CNTN6: variants seen among roughly 807,000 people sequenced by gnomAD.
CNTN6 encodes contactin-6.
In CNTN6, 137 loss-of-function variants were observed where a neutral mutation model predicts 122.8. That is an observed-to-expected ratio of 1.12 (90% confidence interval 0.97 to 1.29). The LOEUF (loss-of-function observed/expected upper bound fraction) is 1.29. Among genes scored for constraint, CNTN6 ranks in the 50% most tolerant of loss-of-function variants. The pLI, the probability that CNTN6 is intolerant of heterozygous loss-of-function variation, is 0.00. For missense variants in CNTN6, 1,634 were observed against 1,223.4 expected (o/e 1.34, Z -5.01); for synonymous variants, 570 against 426.0 (o/e 1.34, Z -4.16).
At chr3:1,300,579 AAG>A (rs1491568540) in intron 7 of CNTN6, among the ~76,000 whole-genome samples, 3 of 41,988 alleles carry the variant, frequency 7.1e-5, no homozygotes, top group African/African-American at 1.6e-4. Context: ...GAAAGAAAGA[AAG>A]AAAGAAAGAA....
At chr3:1,319,874 A>AAAATAAAATAAAATAAAAT (rs1290099156) in intron 7 of CNTN6, among the ~76,000 whole-genome samples, 2 of 150,672 alleles carry the variant, frequency 1.3e-5, no homozygotes, top group Non-Finnish European at 3.0e-5. Context: ...AAAATAAAAT[A>AAAATAAAATAAAATAAAAT]AAAGACATTT....
At chr3:1,278,287 A>C (rs894438638) in intron 4 of CNTN6, 126 bp from the exon 5 acceptor site, 45 of 609,334 alleles carry the variant, frequency 7.4e-5, no homozygotes, top group Non-Finnish European at 1.2e-4. Context: ...TTGTCAACTA[A>C]GTCTTCTGGT....
intron 4 of CNTN6, among the ~76,000 whole-genome samples, chr3:1,258,221 T>C (rs529547925): frequency 2.0e-5 from 3 of 152,274 alleles, no homozygotes; most frequent in African/African-American, 4.8e-5. Flanking sequence ...TTCTTTTATT[T>C]GTAGTGTGGG....
chr3:1,328,507 T>G (rs1701843434), intron 10 of CNTN6, among the ~76,000 whole-genome samples: 1 of 151,840 alleles, frequency 6.6e-6, no homozygotes, highest in Non-Finnish European at 1.5e-5. Context: ...TATTATGTAC[T>G]GAGCTGTATC....
At position 1,403,374 on chromosome 3, in the gene CNTN6, G is replaced by A. The variant is rs772099566; in HGVS notation, c.3043G>A (p.Val1015Ile). ...ACCTAGCACCCATTTTCTTTCCATT[G>A]TCATTGTGATTTTTCACTGTTTTGC... ...LEPSTHFLSI[V>I]IVIFHCFAIQ... Residue 1015 changes from valine to isoleucine, a missense_variant, in exon 23 of 23, where the codon GTC (valine) becomes ATC (isoleucine). Coordinates refer to ENST00000446702, the MANE Select transcript of CNTN6 (RefSeq NM_001289080.2). 2.5e-6 allele frequency: 4 copies of A among 1,611,288 alleles called. No homozygotes were observed. Among genetic ancestry groups the A allele is most frequent in the Non-Finnish European group, 2.5e-6 (3 of 1,178,610 alleles).
chr3:1,278,604 A>T, intron 5 of CNTN6, 96 bp downstream of exon 5: 1 of 721,162 alleles, frequency 1.4e-6, no homozygotes, highest in Non-Finnish European at 2.3e-6. Flanking sequence ...CCTTTTATCA[A>T]ATCAAAGAAA....
chr3:1,388,720 G>A (rs986625094), intron 20 of CNTN6, among the ~76,000 whole-genome samples: 7 of 148,534 alleles, frequency 4.7e-5, no homozygotes, highest in African/African-American at 1.7e-4. Flanking sequence ...GTGCTTAAAG[G>A]AGCTGATGGA....
At chr3:1,387,877 GAGATTATATCCT>G (rs1560004591) in intron 20 of CNTN6, among the ~76,000 whole-genome samples, 4 of 152,204 alleles carry the variant, frequency 2.6e-5, no homozygotes, top group Non-Finnish European at 4.4e-5. Context: ...GGCGCACCAC[GAGATTATATCCT>G]GCACCCGGCT....
chr3:1,097,633 T>C (rs1391718894), intron 1 of CNTN6, among the ~76,000 whole-genome samples: 1 of 152,138 alleles, frequency 6.6e-6, no homozygotes, highest in African/African-American at 2.4e-5. Context: ...CTTAGGCAAG[T>C]TTCTTAGCCT....
chr3:1,097,907 G>A (rs1310221185), intron 1 of CNTN6, among the ~76,000 whole-genome samples: 1 of 152,062 alleles, frequency 6.6e-6, no homozygotes, highest in Non-Finnish European at 1.5e-5. Context: ...CTAATCAATT[G>A]TATTGGGTAT....
chr3:1,318,136 AAAAG>A (rs918979591), intron 7 of CNTN6, among the ~76,000 whole-genome samples: 48 of 150,930 alleles, frequency 3.2e-4, no homozygotes, highest in African/African-American at 9.5e-4. Flanking sequence ...GAAAGAAAGA[AAAAG>A]AAAGAAAATT....
chr3:1,147,769 T>C (rs888498393), intron 1 of CNTN6, among the ~76,000 whole-genome samples, 158 bp from the exon 2 acceptor site: 1 of 152,052 alleles, frequency 6.6e-6, no homozygotes, highest in African/African-American at 2.4e-5. Context: ...TTACTGGAAC[T>C]CGCAGAACAA....
At chr3:1,338,779 T>C (rs569941030) in intron 11 of CNTN6, among the ~76,000 whole-genome samples, 1 of 152,300 alleles carries the variant, frequency 6.6e-6, no homozygotes, top group South Asian at 2.1e-4. Flanking sequence ...AAATGACCTT[T>C]TGTTCTTGGT....
chr3:1,123,091 G>C (rs1036571099), intron 1 of CNTN6, among the ~76,000 whole-genome samples: 13 of 151,776 alleles, frequency 8.6e-5, no homozygotes, highest in Non-Finnish European at 1.6e-4. Context: ...AGTCCTTCAA[G>C]TTTGTTCTTT....
intron 2 of CNTN6, among the ~76,000 whole-genome samples, chr3:1,171,007 G>C (rs77673442): frequency 0.048 from 7,283 of 152,266 alleles, 212 homozygotes; most frequent in Middle Eastern, 0.11. Context: ...TGGGGTAGGG[G>C]TAGTGCCAAT....
intron 2 of CNTN6, among the ~76,000 whole-genome samples, chr3:1,213,677 C>A (rs922636306): frequency 1.3e-5 from 2 of 151,678 alleles, no homozygotes; most frequent in African/African-American, 4.8e-5. Flanking sequence ...TAGATAATAG[C>A]ATAGAAGAAT....
rs1180566484 is a variant in CNTN6 at position 1,312,229 on chromosome 3, AT to A, written c.762-9412del. Among the ~76,000 whole-genome samples the A allele has an allele frequency of 8.6e-5, 13 of 151,380 alleles. No individual in the cohort carries two copies. The South Asian group carries it at 1.7e-3, about 19-fold the overall frequency. On this transcript the variant is annotated intron_variant, in intron 7 of 22. Transcript: ENST00000446702. ...ATTCCTTTCCATATAGTTTTTGAAAATTTTTTTTTCAAGGAGCATAGAGTGG... is the reference window on the plus strand; with the variant it reads ...ATTCCTTTCCATATAGTTTTTGAAAATTTTTTTTCAAGGAGCATAGAGTGG...
chr3:1,369,612 C>G (rs1241396350), intron 12 of CNTN6, among the ~76,000 whole-genome samples: 2 of 152,126 alleles, frequency 1.3e-5, no homozygotes, highest in African/African-American at 2.4e-5. Flanking sequence ...AACTTTGCCA[C>G]TATGTGGTGT....
intron 20 of CNTN6, among the ~76,000 whole-genome samples, chr3:1,396,052 C>T (rs1366491719): frequency 6.6e-6 from 1 of 152,144 alleles, no homozygotes; most frequent in African/African-American, 2.4e-5. Flanking sequence ...TGAAATTTTT[C>T]CTCCTAAAAT....
Sources: allele counts gnomAD v4.1 joint callset (sites outside exome capture counted in the v4.1 genomes callset), GRCh38; gene constraint gnomAD v4.1.1; transcripts MANE v1.5; gene names NCBI Gene and HGNC (gene_info 2026-07-23, HGNC 2026-07-21).